The following COL28A1 variants were observed in gnomAD, a reference collection of about 807,000 sequenced individuals.
COL28A1 encodes collagen alpha-1(XXVIII) chain.
COL28A1 carries 161 observed loss-of-function variants against 150.2 expected under a neutral mutation model. The ratio of observed to expected loss-of-function variants is 1.07; its 90% CI spans 0.94 to 1.22. COL28A1 has a LOEUF of 1.22. Among genes scored for constraint, COL28A1 ranks in the 50% most tolerant of loss-of-function variants. The probability of loss-of-function intolerance (pLI) is 0.00; values close to 1 mark genes in which losing one functional copy is unlikely to be tolerated. For missense variants in COL28A1, 1,617 were observed against 1,388.3 expected (o/e 1.16, Z -2.62); for synonymous variants, 552 against 469.7 (o/e 1.18, Z -2.26).
At chr7:7,436,351 T>G in intron 23 of COL28A1, 44 bp downstream of exon 23, 2 of 926,546 alleles carry the variant, frequency 2.2e-6, no homozygotes, top group Non-Finnish European at 3.6e-6. Flanking sequence ...TACCTTCATT[T>G]ATTTCAGATA....
At chr7:7,450,563 A>G (rs1295356707) in intron 18 of COL28A1, among the ~76,000 whole-genome samples, 4 of 152,330 alleles carry the variant, frequency 2.6e-5, no homozygotes, top group South Asian at 2.1e-4. Context: ...ATCATCGCCT[A>G]CTGCTAGCAG....
rs1370288024 is a variant in COL28A1, at chr7:7,372,983, G to C, written c.2908+15C>G. Reference sequence around the variant, plus strand: ...ACATAAATGCCTTTCCCCTGGGCCAGATAGCCTTCCTTACCTTGCAGGGTA... The same window carrying C: ...ACATAAATGCCTTTCCCCTGGGCCACATAGCCTTCCTTACCTTGCAGGGTA... On this transcript the variant is annotated intron_variant, in intron 32 of 34. Transcript: ENST00000399429. 1 of 1,605,346 alleles carries C rather than the reference G, an allele frequency of 6.2e-7. No individual in the cohort carries two copies. The highest frequency in any genetic ancestry group is 1.1e-5 in the South Asian group (1 of 89,326).
At chr7:7,393,742 C>T (rs1174995950) in intron 27 of COL28A1, among the ~76,000 whole-genome samples, 2 of 152,178 alleles carry the variant, frequency 1.3e-5, no homozygotes, top group African/African-American at 4.8e-5. Flanking sequence ...CCGCAACTTT[C>T]TTTACATTGT....
At chr7:7,455,400 C>A (rs1170105645) in intron 16 of COL28A1, among the ~76,000 whole-genome samples, 1 of 152,140 alleles carries the variant, frequency 6.6e-6, no homozygotes, top group Non-Finnish European at 1.5e-5. Flanking sequence ...TCACAATACC[C>A]AGATTTTCCA....
At chr7:7,485,976 G>A (rs868775428) in intron 13 of COL28A1, among the ~76,000 whole-genome samples, 1 of 152,070 alleles carries the variant, frequency 6.6e-6, no homozygotes, top group Non-Finnish European at 1.5e-5. Flanking sequence ...AAATAGCCCT[G>A]TCCAAGTCTA....
intron 11 of COL28A1, among the ~76,000 whole-genome samples, chr7:7,504,607 C>G (rs1780711385): frequency 6.6e-6 from 1 of 152,210 alleles, no homozygotes; most frequent in Non-Finnish European, 1.5e-5. Flanking sequence ...CTGCATCACC[C>G]AAAGCTGCAG....
At chr7:7,421,980 A>G (rs2128308961) in intron 25 of COL28A1, among the ~76,000 whole-genome samples, 1 of 152,280 alleles carries the variant, frequency 6.6e-6, no homozygotes, top group South Asian at 2.1e-4. Flanking sequence ...AGTAGAGAAC[A>G]TGAAAACCCT....
At chr7:7,355,671 T>A (rs1466202896), downstream of COL28A1, among the ~76,000 whole-genome samples, 1 of 152,130 alleles carries the variant, frequency 6.6e-6, no homozygotes, top group Admixed American at 6.6e-5. Context: ...TAAAGAAATC[T>A]GATAATACTA....
chr7:7,530,491 AC>A (rs1782288549), intron 3 of COL28A1, among the ~76,000 whole-genome samples: 1 of 152,216 alleles, frequency 6.6e-6, no homozygotes, highest in African/African-American at 2.4e-5. Flanking sequence ...CATAAAGGAC[AC>A]CTTTGCCTTC....
chr7:7,358,315 T>G lies in COL28A1; in HGVS notation c.*318A>C. ...GTACATACAACAGGAATTAAAGGAA[T>G]CAGAATCACATTGCAGGTTGTGAAG... On this transcript the variant is annotated 3_prime_UTR_variant, in exon 35 of 35. Coordinates refer to ENST00000399429, the MANE Select transcript of COL28A1 (RefSeq NM_001037763.3). 2 of 204,708 alleles carry G rather than the reference T, an allele frequency of 9.8e-6. 1 individual carries two copies. Among genetic ancestry groups the G allele is most frequent in the South Asian group, 2.3e-4 (2 of 8,860 alleles). 12.7% of individuals were successfully genotyped at this position (204,708 alleles called of 1,614,324 possible).
At chr7:7,537,653 G>A (rs902697028), upstream of COL28A1, among the ~76,000 whole-genome samples, 6 of 152,154 alleles carry the variant, frequency 3.9e-5, no homozygotes, top group East Asian at 1.9e-4. Flanking sequence ...CTATGCGAAC[G>A]TCTGTGTTTT....
Position 7,531,834 on chromosome 7 carries a change from A to T in COL28A1, c.195T>A (p.Asp65Glu). ...AGCTATCCACAAAATCTTTCTGTTT[A>T]TCAAAGAGGGCAATTTTAGAACTTT... The part of the protein sequence containing the change: ...SSESSKIALF[D>E]KQKDFVDSLS... The change falls in exon 3 of 35, where the codon GAT becomes GAA. Residue 65 changes from aspartate to glutamate, a missense_variant. Transcript: ENST00000399429. The T allele has an allele frequency of 6.2e-7, 1 of 1,607,252 alleles. No individual in the cohort carries two copies. The highest frequency in any genetic ancestry group is 2.2e-5 in the East Asian group (1 of 44,852).
chr7:7,458,637 T>C (rs1285751222), intron 15 of COL28A1, among the ~76,000 whole-genome samples: 1 of 152,188 alleles, frequency 6.6e-6, no homozygotes, highest in East Asian at 1.9e-4. Flanking sequence ...GCTGGACTAT[T>C]TTGATTCAGA....
chr7:7,503,676 T>C (rs1780653731), intron 11 of COL28A1, among the ~76,000 whole-genome samples: 1 of 152,300 alleles, frequency 6.6e-6, no homozygotes, highest in African/African-American at 2.4e-5. Context: ...CTAATAAGTG[T>C]ATAAAATGAA....
At position 7,524,983 on chromosome 7, in the gene COL28A1, C is replaced by A. The variant is rs565978680; in HGVS notation, c.682-734G>T. On this transcript the variant is annotated intron_variant, in intron 3 of 34. Coordinates refer to ENST00000399429, the MANE Select transcript of COL28A1 (RefSeq NM_001037763.3). ...ATAATATTTTGGTAAAAATTTTGAA[C>A]TGTTCATAGCAATATGCATTACTTA... is the stretch of plus-strand genomic sequence containing the variant. Among the ~76,000 whole-genome samples, 135 of 152,252 alleles carry A rather than the reference C, an allele frequency of 8.9e-4. 1 individual carries two copies. Among genetic ancestry groups the A allele is most frequent in the Admixed American group, 8.6e-3 (132 of 15,294 alleles).
At chr7:7,418,022 C>T in intron 26 of COL28A1, 95 bp from the exon 27 acceptor site, 1 of 954,338 alleles carries the variant, frequency 1.0e-6, no homozygotes, top group African/African-American at 1.6e-5. Context: ...ATTCTTACTT[C>T]AGTCTGACCA....
At chr7:7,380,327 C>G (rs1190241815) in intron 30 of COL28A1, among the ~76,000 whole-genome samples, 1 of 152,116 alleles carries the variant, frequency 6.6e-6, no homozygotes, top group Non-Finnish European at 1.5e-5. Flanking sequence ...TGAGACGAAC[C>G]ACATAAATTA....
downstream of COL28A1, among the ~76,000 whole-genome samples, chr7:7,352,932 G>A (rs899297250): frequency 6.6e-6 from 1 of 151,952 alleles, no homozygotes; most frequent in African/African-American, 2.4e-5. Flanking sequence ...ACCACGTAAG[G>A]GAAAGGAAAA....
In COL28A1 at chr7:7,376,070, G is replaced by A. The variant is rs75962037; in HGVS notation, c.2323-573C>T. 6.3e-3 allele frequency among the ~76,000 whole-genome samples: 961 copies of A among 152,076 alleles called. 10 individuals carry two copies. The highest frequency in any genetic ancestry group is 0.022 in the African/African-American group (928 of 41,472). On this transcript the variant is annotated intron_variant, in intron 30 of 34. Transcript: ENST00000399429. ...GTGACATTTCCCCATGTTCCTGAAC[G>A]CCCTTTTCTTGTCCTGCTGCCCACA...
Sources: gnomAD v4.1 joint callset for allele counts (sites outside exome capture counted in the v4.1 genomes callset) on GRCh38, gnomAD v4.1.1 for gene constraint, MANE v1.5 for transcripts, NCBI Gene and HGNC (gene_info 2026-07-23, HGNC 2026-07-21) for gene names.